FRMD5: variants seen among roughly 807,000 people sequenced by gnomAD.
FRMD5 encodes FERM domain-containing protein 5.
Under a neutral mutation model 69.0 loss-of-function variants are expected in FRMD5, and 20 were observed. That is an observed-to-expected ratio of 0.29 (90% CI 0.20 to 0.42). The LOEUF is 0.42. Among genes scored for constraint, FRMD5 ranks in the 10% least tolerant of loss-of-function variants. The pLI, the probability that FRMD5 is intolerant of heterozygous loss-of-function variation, is 1.00. For missense variants in FRMD5, 595 were observed against 708.6 expected, an observed-to-expected ratio of 0.84 and a Z score of 1.82; for synonymous variants, 271 against 260.1, an observed-to-expected ratio of 1.04 and a Z score of -0.40.
intron 1 of FRMD5, among the ~76,000 whole-genome samples, chr15:44,133,861 A>C (rs1031016856): frequency 2.1e-4 from 32 of 152,184 alleles, no homozygotes; most frequent in African/African-American, 7.5e-4. Flanking sequence ...AAAGTTTTTA[A>C]TAATAGATTA....
At chr15:43,920,850 G>A (rs2089481269) in intron 2 of FRMD5, among the ~76,000 whole-genome samples, 1 of 152,188 alleles carries the variant, frequency 6.6e-6, no homozygotes, top group Non-Finnish European at 1.5e-5. Context: ...TGTCTTGGCA[G>A]AGTCCTCCCT....
At chr15:44,151,396 C>CAAAAAAAA (rs75229422) in intron 1 of FRMD5, among the ~76,000 whole-genome samples, 4 of 58,534 alleles carry the variant, frequency 6.8e-5, no homozygotes, top group Non-Finnish European at 6.9e-5. Flanking sequence ...GACTCCATCT[C>CAAAAAAAA]AAAAAAAAAA....
intron 1 of FRMD5, among the ~76,000 whole-genome samples, chr15:44,126,731 C>T (rs2077029282): frequency 6.6e-6 from 1 of 152,132 alleles, no homozygotes; most frequent in African/African-American, 2.4e-5. Context: ...GCCCATTGTT[C>T]CACCCTTCCT....
intron 1 of FRMD5, among the ~76,000 whole-genome samples, chr15:44,098,322 C>T (rs1162921144): frequency 6.6e-6 from 1 of 151,918 alleles, no homozygotes; most frequent in African/African-American, 2.4e-5. Flanking sequence ...GTCAAGAGAT[C>T]GAGACCATCC....
At position 43,943,739 on chromosome 15, in the gene FRMD5, A is replaced by T. The variant is rs117427218; in HGVS notation, c.103-19430T>A. On this transcript the variant is annotated intron_variant, in intron 1 of 13. Coordinates refer to ENST00000417257, the MANE Select transcript of FRMD5 (RefSeq NM_032892.5). ...CAACCACTAGCAGCTGGGAAGAAGC[A>T]AGGAAGAATTCTTCCCTAGAGTCTC... 2.7e-3 allele frequency among the ~76,000 whole-genome samples: 416 copies of T among 152,362 alleles called. 13 individuals are homozygous for T. The East Asian group carries it at 0.063, about 23-fold the overall frequency.
At chr15:44,019,982 C>T (rs1433360120) in intron 1 of FRMD5, among the ~76,000 whole-genome samples, 1 of 151,752 alleles carries the variant, frequency 6.6e-6, no homozygotes, top group African/African-American at 2.4e-5. Context: ...AATGAGACTG[C>T]AAAATATTTA....
chr15:44,124,519 G>T (rs370985637), intron 1 of FRMD5, among the ~76,000 whole-genome samples: 1 of 151,538 alleles, frequency 6.6e-6, no homozygotes, highest in Non-Finnish European at 1.5e-5. Context: ...CTAACACGGC[G>T]AAACCCTGTC....
chr15:44,090,099 A>G (rs1171615550), intron 1 of FRMD5, among the ~76,000 whole-genome samples: 2 of 152,116 alleles, frequency 1.3e-5, no homozygotes, highest in Non-Finnish European at 2.9e-5. Flanking sequence ...TTGAATTCCC[A>G]TTTTAAACTT....
chr15:44,004,842 T>C (rs575060872), intron 1 of FRMD5, among the ~76,000 whole-genome samples: 1 of 152,382 alleles, frequency 6.6e-6, no homozygotes, highest in Admixed American at 6.5e-5. Flanking sequence ...TGAGATAGAC[T>C]GAAAGCTAGG....
In FRMD5 at chr15:43,892,031, A is replaced by T; in HGVS notation, c.678T>A (p.Pro226=). ...SGNAAFLAFT[P]FGFVVLQGNK... ...TTCCTTGAAGAACAACAAACCCAAA[A>T]GGAGTGAAGGCCAGAAATGCAGCAT... The change falls in exon 8 of 14, where the codon CCT becomes CCA. Residue 226 remains proline (P), a synonymous_variant. Coordinates refer to ENST00000417257, the MANE Select transcript of FRMD5 (RefSeq NM_032892.5). 6.2e-7 allele frequency: 1 copy of T among 1,614,196 alleles called. No individual in the cohort carries two copies.
chr15:44,151,751 C>T (rs6493096), intron 1 of FRMD5, among the ~76,000 whole-genome samples: 4,340 of 152,168 alleles, frequency 0.029, 171 homozygotes, highest in African/African-American at 0.088. Flanking sequence ...AAAGTTTGGA[C>T]TTCATGAAAA....
chr15:44,198,178 G>T (rs2078323203), upstream of FRMD5, among the ~76,000 whole-genome samples: 1 of 151,852 alleles, frequency 6.6e-6, no homozygotes, highest in Non-Finnish European at 1.5e-5. Context: ...ACAAAGATTA[G>T]CTGGGTGTGG....
intron 1 of FRMD5, among the ~76,000 whole-genome samples, chr15:44,147,973 C>A (rs962601602): frequency 1.3e-5 from 2 of 152,130 alleles, no homozygotes; most frequent in African/African-American, 4.8e-5. Context: ...CTGATTGCTG[C>A]TTCTGACCAC....
chr15:44,025,748 A>G (rs1891402770), intron 1 of FRMD5, among the ~76,000 whole-genome samples: 1 of 152,208 alleles, frequency 6.6e-6, no homozygotes, highest in Non-Finnish European at 1.5e-5. Context: ...GCCAACAGAT[A>G]TGGATGCCCA....
intron 1 of FRMD5, among the ~76,000 whole-genome samples, chr15:43,976,635 T>C (rs923621489): frequency 2.0e-4 from 31 of 152,306 alleles, no homozygotes; most frequent in Admixed American, 1.6e-3. Context: ...GAGACCCTGA[T>C]TGCTTACAAG....
intron 1 of FRMD5, among the ~76,000 whole-genome samples, chr15:44,095,393 T>TA (rs2076537712): frequency 6.6e-6 from 1 of 151,962 alleles, no homozygotes; most frequent in South Asian, 2.1e-4. Flanking sequence ...TTTGTAGAGT[T>TA]AGAGTCTCAC....
intron 1 of FRMD5, among the ~76,000 whole-genome samples, chr15:44,023,820 T>C (rs1160095341): frequency 2.0e-5 from 3 of 152,200 alleles, no homozygotes; most frequent in South Asian, 4.1e-4. Context: ...TTATGGAACA[T>C]TAATGCTTTC....
At chr15:43,935,348 G>T (rs1437528018) in intron 1 of FRMD5, among the ~76,000 whole-genome samples, 1 of 152,160 alleles carries the variant, frequency 6.6e-6, no homozygotes, top group Non-Finnish European at 1.5e-5. Flanking sequence ...GCCGGGTGTG[G>T]TGGCGGGTGC....
chr15:44,124,468 G>C (rs1250052368), intron 1 of FRMD5, among the ~76,000 whole-genome samples: 1 of 151,924 alleles, frequency 6.6e-6, no homozygotes, highest in Non-Finnish European at 1.5e-5. Flanking sequence ...GGGAGGCCAA[G>C]GCAGGCAGAT....
Sources: gnomAD v4.1 joint callset for allele counts (sites outside exome capture counted in the v4.1 genomes callset) on GRCh38, gnomAD v4.1.1 for gene constraint, MANE v1.5 for transcripts, NCBI Gene and HGNC (gene_info 2026-07-23, HGNC 2026-07-21) for gene names.